Variants in ACTN2 observed in about 807,000 individuals in gnomAD.
ACTN2 encodes the protein actinin alpha 2.
A neutral mutation model predicts 113.8 loss-of-function variants in ACTN2; 39 were observed. The ratio of observed to expected loss-of-function variants is 0.34; its 90% CI spans 0.27 to 0.45. The LOEUF is 0.45. ACTN2 is among the 20% of genes least tolerant of loss of function. ACTN2 has a pLI of 1.00. For synonymous variants in ACTN2, 429 were observed against 444.1 expected, an observed-to-expected ratio of 0.97 and a Z score of 0.43; for missense variants, 992 against 1,177.9, an observed-to-expected ratio of 0.84 and a Z score of 2.31.
chr1:236,736,888 C>T, intron 8 of ACTN2: 1 of 606,508 alleles, frequency 1.6e-6, no homozygotes, highest in East Asian at 2.8e-5. Flanking sequence ...CCCCGTTATT[C>T]CCTACAGTCT....
chr1:236,688,945 G>A (rs1665970494), intron 1 of ACTN2, among the ~76,000 whole-genome samples: 1 of 152,188 alleles, frequency 6.6e-6, no homozygotes, highest in East Asian at 1.9e-4. Context: ...AGCACATGAT[G>A]ACGTCCGTGG....
At chr1:236,697,085 G>A (rs764560034) in intron 1 of ACTN2, among the ~76,000 whole-genome samples, 4 of 152,176 alleles carry the variant, frequency 2.6e-5, no homozygotes, top group African/African-American at 4.8e-5. Context: ...TAAAAGTAAA[G>A]GGGCTCTTGA....
chr1:236,715,601 C>A (rs1658175845), intron 1 of ACTN2, among the ~76,000 whole-genome samples: 2 of 151,932 alleles, frequency 1.3e-5, no homozygotes, highest in Non-Finnish European at 2.9e-5. Flanking sequence ...TTTAATTAGT[C>A]TAAGTTTAAG....
At chr1:236,739,126 C>T (rs542437814) in intron 9 of ACTN2, among the ~76,000 whole-genome samples, 176 bp from the exon 10 acceptor site, 5 of 152,186 alleles carry the variant, frequency 3.3e-5, no homozygotes, top group South Asian at 4.1e-4. Context: ...TGATCACTCG[C>T]GGCCATGGGC....
At chr1:236,725,833 G>A in intron 4 of ACTN2, 100 bp from the exon 5 acceptor site, 1 of 1,026,850 alleles carries the variant, frequency 9.7e-7, no homozygotes, top group Non-Finnish European at 1.5e-6. Flanking sequence ...AGACCCCCTG[G>A]GTGATCGACC....
chr1:236,726,212 T>C (rs1291461697), intron 5 of ACTN2, among the ~76,000 whole-genome samples, 192 bp downstream of exon 5: 2 of 152,226 alleles, frequency 1.3e-5, no homozygotes, highest in Non-Finnish European at 2.9e-5. Context: ...CTTAGCATGC[T>C]GGTAAACAGC....
chr1:236,728,274 A>G (rs963956533), intron 6 of ACTN2, among the ~76,000 whole-genome samples: 10 of 151,764 alleles, frequency 6.6e-5, no homozygotes, highest in Admixed American at 4.6e-4. Flanking sequence ...CTCCCGAGTA[A>G]CTGGGACTAC....
intron 6 of ACTN2, among the ~76,000 whole-genome samples, chr1:236,728,787 G>T (rs778759021): frequency 2.6e-5 from 4 of 152,050 alleles, no homozygotes; most frequent in Non-Finnish European, 5.9e-5. Flanking sequence ...CCAGCACTTT[G>T]GGAAGCCGAG....
intron 1 of ACTN2, among the ~76,000 whole-genome samples, chr1:236,708,091 C>CGAAG (rs991036786): frequency 6.6e-6 from 1 of 151,958 alleles, no homozygotes. Context: ...AAGCAGGTCA[C>CGAAG]GAAGCCAGGG....
intron 1 of ACTN2, among the ~76,000 whole-genome samples, chr1:236,698,328 T>C (rs866390883): frequency 5.9e-5 from 9 of 152,314 alleles, no homozygotes; most frequent in Middle Eastern, 3.4e-3. Flanking sequence ...CTCATTTAGA[T>C]GTTTTGTTTT....
At chr1:236,708,713 G>A (rs2102879094) in intron 1 of ACTN2, among the ~76,000 whole-genome samples, 1 of 152,312 alleles carries the variant, frequency 6.6e-6, no homozygotes, top group South Asian at 2.1e-4. Flanking sequence ...CTTGCTGGCT[G>A]GGGGGATTGA....
intron 1 of ACTN2, 110 bp from the exon 2 acceptor site, chr1:236,717,748 C>T (rs950416614): frequency 2.6e-6 from 2 of 774,550 alleles, no homozygotes; most frequent in Non-Finnish European, 2.3e-6. Flanking sequence ...GCCCAAGCAG[C>T]CCCAGCCTTG....
chr1:236,696,593 C>T (rs1234316576), intron 1 of ACTN2, among the ~76,000 whole-genome samples: 1 of 151,804 alleles, frequency 6.6e-6, no homozygotes, highest in Non-Finnish European at 1.5e-5. Context: ...ATACTTGATG[C>T]TGACCATTTT....
chr1:236,706,442 T>C (rs1257480467), intron 1 of ACTN2, among the ~76,000 whole-genome samples: 1 of 152,166 alleles, frequency 6.6e-6, no homozygotes, highest in African/African-American at 2.4e-5. Flanking sequence ...GTGGTGGTCA[T>C]GGGGCCTCGG....
chr1:236,737,306 TA>T, intron 9 of ACTN2, 92 bp downstream of exon 9: 1 of 294,544 alleles, frequency 3.4e-6, no homozygotes, highest in Non-Finnish European at 7.0e-6. Flanking sequence ...GGCATATATA[TA>T]TATATATATA....
intron 1 of ACTN2, among the ~76,000 whole-genome samples, chr1:236,716,374 C>T (rs1027903531): frequency 1.3e-5 from 2 of 152,092 alleles, no homozygotes; most frequent in African/African-American, 4.8e-5. Context: ...GATGAGGGGA[C>T]ATTTTGCATG....
chr1:236,762,156 C>T (rs1234491995), intron 20 of ACTN2, among the ~76,000 whole-genome samples: 1 of 152,104 alleles, frequency 6.6e-6, no homozygotes, highest in Non-Finnish European at 1.5e-5. Context: ...TTCATCTTTT[C>T]TGGTATGAAA....
At position 236,710,773 on chromosome 1, in the gene ACTN2, TAG is replaced by T. The variant is rs112447557; in HGVS notation, c.127-7084_127-7083del. Among the ~76,000 whole-genome samples, 377 of 152,288 alleles carry T rather than the reference TAG, an allele frequency of 2.5e-3. 1 individual carries two copies. Among genetic ancestry groups the T allele is most frequent in the African/African-American group, 8.6e-3 (356 of 41,564 alleles). ...GATCAGCGGCAGCATCAGATTCTCA[TAG>T]GAGTGCAAACCCTACTGTGAACTGT... On this transcript the variant is annotated intron_variant, in intron 1 of 20. Transcript: ENST00000366578.
At chr1:236,738,456 T>C (rs183692760) in intron 9 of ACTN2, among the ~76,000 whole-genome samples, 1 of 152,358 alleles carries the variant, frequency 6.6e-6, no homozygotes, top group Non-Finnish European at 1.5e-5. Context: ...CTTGATGGCA[T>C]TGTTGAATGG....
Sources: allele counts gnomAD v4.1 joint callset (sites outside exome capture counted in the v4.1 genomes callset), GRCh38; gene constraint gnomAD v4.1.1; transcripts MANE v1.5; gene names NCBI Gene and HGNC (gene_info 2026-07-23, HGNC 2026-07-21).